Variants in ITSN2 observed in about 807,000 individuals in gnomAD.
ITSN2 encodes intersectin 2, also known as intersectin-2.
A neutral mutation model predicts 243.7 loss-of-function variants in ITSN2; 156 were observed. The ratio of observed to expected loss-of-function variants is 0.64; its 90% CI spans 0.56 to 0.73. The LOEUF (loss-of-function observed/expected upper bound fraction) is 0.73, where lower values mean the gene tolerates loss of function less well. Ranked by LOEUF, ITSN2 falls within the 30% of genes least tolerant of loss-of-function variation. The pLI is 0.00. For missense variants in ITSN2, 1,801 were observed against 1,996.1 expected, an observed-to-expected ratio of 0.90 and a Z score of 1.86; for synonymous variants, 703 against 699.9, an observed-to-expected ratio of 1.00 and a Z score of -0.07.
intron 29 of ITSN2, chr2:24,242,173 G>C (rs767136622): frequency 6.6e-6 from 1 of 152,430 alleles, no homozygotes; most frequent in Non-Finnish European, 1.5e-5. Context: ...TGGGTCTCTG[G>C]GGTGCTTTCA....
chr2:24,225,399 C>T lies in ITSN2; in HGVS notation c.3578-4333G>A, dbSNP rs1307053427. Among the ~76,000 whole-genome samples, 2 of 152,320 alleles carry T rather than the reference C, an allele frequency of 1.3e-5. No homozygotes were observed. The highest frequency in any genetic ancestry group is 1.3e-4 in the Admixed American group (2 of 15,296). On this transcript the variant is annotated intron_variant, in intron 29 of 39. Coordinates refer to ENST00000355123, the MANE Select transcript of ITSN2 (RefSeq NM_006277.3). This position sits in a 1 kb window ranked among gnomAD's most constrained non-coding sequence, Gnocchi z 4.2. ...CTCCACTCGGGATTCTGGTTTCTGC[C>T]CCACTGCCCGACACTGCTCTCGGGA...
At chr2:24,263,602 AC>A (rs1676202968) in intron 20 of ITSN2, among the ~76,000 whole-genome samples, 1 of 152,164 alleles carries the variant, frequency 6.6e-6, no homozygotes, top group Admixed American at 6.5e-5. Context: ...TGCCATCTCT[AC>A]GAAAACACTG....
chr2:24,351,910 T>A (rs977745007), intron 1 of ITSN2, among the ~76,000 whole-genome samples: 1 of 152,106 alleles, frequency 6.6e-6, no homozygotes, highest in African/African-American at 2.4e-5. Context: ...TTCCTTCAAG[T>A]GAAAAGGTGA....
chr2:24,322,526 G>A (rs1159170097), intron 2 of ITSN2, among the ~76,000 whole-genome samples: 1 of 152,024 alleles, frequency 6.6e-6, no homozygotes, highest in Admixed American at 6.6e-5. Flanking sequence ...GAAAGAACTG[G>A]ATATCCATAT....
chr2:24,318,224 C>T (rs1461054181), intron 2 of ITSN2, among the ~76,000 whole-genome samples: 5 of 152,186 alleles, frequency 3.3e-5, no homozygotes, highest in African/African-American at 1.2e-4. Context: ...TGGCTCACTG[C>T]AGCCTTGACA....
chr2:24,303,734 G>C (rs1682108687), intron 9 of ITSN2, 65 bp downstream of exon 9: 1 of 998,268 alleles, frequency 1.0e-6, no homozygotes, highest in Non-Finnish European at 1.6e-6. Context: ...TGTAATAGGG[G>C]AGAGAGAGTT....
Position 24,246,289 on chromosome 2 carries a change from T to A in ITSN2, c.3417A>T (p.Ala1139=), listed in dbSNP as rs767061079. The stretch of plus-strand genomic sequence containing the variant: ...AACTGAGCTCATCTTCATTATTTGC[T>A]GCATAGTCATACATAGCAATCACCT... ...VCQVIAMYDY[A]ANNEDELSFS... is the part of the protein sequence containing the mutation. Residue 1139 remains alanine, a synonymous_variant, in exon 29 of 40, where the codon GCA becomes GCT. Coordinates refer to ENST00000355123, the MANE Select transcript of ITSN2 (RefSeq NM_006277.3). 1.2e-6 allele frequency: 2 copies of A among 1,611,646 alleles called. No individual in the cohort carries two copies. Among genetic ancestry groups the A allele is most frequent in the South Asian group, 2.2e-5 (2 of 90,932 alleles).
chr2:24,209,754 G>T, intron 35 of ITSN2, 64 bp downstream of exon 35: 2 of 1,296,860 alleles, frequency 1.5e-6, no homozygotes, highest in East Asian at 4.6e-5. Flanking sequence ...TGCCAGGAAG[G>T]CCTTAAGATA....
At chr2:24,251,943 T>C (rs945129792) in intron 25 of ITSN2, among the ~76,000 whole-genome samples, 1 of 152,122 alleles carries the variant, frequency 6.6e-6, no homozygotes, top group Admixed American at 6.6e-5. Flanking sequence ...TGGTGGTGGA[T>C]GAAATGAGGC....
At position 24,215,918 on chromosome 2, in the gene ITSN2, C is replaced by T. The variant is rs113507655; in HGVS notation, c.3990+131G>A. 456 of 586,164 alleles carry T rather than the reference C, an allele frequency of 7.8e-4. 1 individual carries two copies. The African/African-American group carries it at 7.9e-3, about 10-fold the overall frequency. 36.3% of individuals were successfully genotyped at this position (586,164 alleles called of 1,614,324 possible). Reference sequence around the variant, plus strand: ...ACAAAACAATCGGAAAATTCTCTGCCGTTTTGGTGTTTCCTTTGGAAACTG... The same window carrying T: ...ACAAAACAATCGGAAAATTCTCTGCTGTTTTGGTGTTTCCTTTGGAAACTG... On this transcript the variant is annotated intron_variant, in intron 32 of 39. Transcript: ENST00000355123.
At position 24,308,526 on chromosome 2, in the gene ITSN2, G is replaced by A. The variant is rs1361719155; in HGVS notation, c.793+91C>T. 6 of 794,542 alleles carry A rather than the reference G, an allele frequency of 7.6e-6. No individual in the cohort carries two copies. In the African/African-American group the frequency reaches 8.9e-5, roughly 12 times the overall value. The allele number at this position is 794,542 out of a possible 1,614,324, so 49.2% of individuals were successfully genotyped here. A position where few individuals can be genotyped will look rare whatever the true frequency, so the allele number is the denominator to read the frequency against. ...TTTTGGATGTTAAAATGTCAGATGAGCTACACAATACAAATTCAAATGACA... is the reference window on the plus strand; with the variant it reads ...TTTTGGATGTTAAAATGTCAGATGAACTACACAATACAAATTCAAATGACA... On this transcript the variant is annotated intron_variant, in intron 8 of 39. Transcript: ENST00000355123.
chr2:24,267,283 T>C (rs967562039), intron 20 of ITSN2, among the ~76,000 whole-genome samples: 33 of 151,374 alleles, frequency 2.2e-4, no homozygotes, highest in African/African-American at 7.8e-4. Flanking sequence ...ATACCTAACG[T>C]AGATGACAGG....
intron 29 of ITSN2, among the ~76,000 whole-genome samples, chr2:24,222,832 C>T (rs560080581): frequency 2.9e-4 from 44 of 151,936 alleles, no homozygotes; most frequent in African/African-American, 8.4e-4. Context: ...CACACCACCA[C>T]GCCCAGCTAA....
chr2:24,263,358 C>T (rs1676164404), intron 20 of ITSN2, among the ~76,000 whole-genome samples: 1 of 152,102 alleles, frequency 6.6e-6, no homozygotes, highest in African/African-American at 2.4e-5. Context: ...ACAGACTTGA[C>T]AGTGTTATAT....
intron 8 of ITSN2, among the ~76,000 whole-genome samples, chr2:24,304,087 C>A (rs1558589894): frequency 6.6e-6 from 1 of 152,138 alleles, no homozygotes; most frequent in Non-Finnish European, 1.5e-5. Context: ...AAGTGCTGTC[C>A]CCTGTCTTTT....
chr2:24,333,187 C>T (rs1685977496), intron 1 of ITSN2, among the ~76,000 whole-genome samples: 1 of 152,192 alleles, frequency 6.6e-6, no homozygotes, highest in South Asian at 2.1e-4. Flanking sequence ...GCTTTATCTG[C>T]CTCTTCCTCT....
At chr2:24,297,645 G>T (rs1036044782) in intron 13 of ITSN2, among the ~76,000 whole-genome samples, 2 of 152,146 alleles carry the variant, frequency 1.3e-5, no homozygotes, top group African/African-American at 2.4e-5. Context: ...GAATTAGGGA[G>T]AGAAAATCAC....
chr2:24,240,639 A>T (rs535308262), intron 29 of ITSN2: 1 of 152,364 alleles, frequency 6.6e-6, no homozygotes, highest in African/African-American at 2.4e-5. Flanking sequence ...CATTAACATA[A>T]ATATTGCACA....
intron 2 of ITSN2, among the ~76,000 whole-genome samples, chr2:24,325,452 T>G (rs762412374): frequency 2.0e-5 from 3 of 152,088 alleles, no homozygotes; most frequent in African/African-American, 7.3e-5. Flanking sequence ...GCAATACGTG[T>G]AATTCAAAGC....
Sources: allele counts gnomAD v4.1 joint callset (sites outside exome capture counted in the v4.1 genomes callset), GRCh38; gene constraint gnomAD v4.1.1; non-coding constraint Gnocchi (gnomAD v3.1); transcripts MANE v1.5; gene names NCBI Gene and HGNC (gene_info 2026-07-23, HGNC 2026-07-21).